The following DCC variants were observed in gnomAD, a reference collection of about 807,000 sequenced individuals.
DCC encodes DCC netrin 1 receptor, also known as netrin receptor DCC.
A neutral mutation model predicts 172.5 loss-of-function variants in DCC; 58 were observed. That is an observed-to-expected ratio of 0.34 (90% confidence interval 0.27 to 0.42). The LOEUF (loss-of-function observed/expected upper bound fraction) is 0.42. Among genes scored for constraint, DCC ranks in the 10% least tolerant of loss-of-function variants. The probability of loss-of-function intolerance (pLI) is 1.00; values close to 1 mark genes in which losing one functional copy is unlikely to be tolerated. For synonymous variants in DCC, 709 were observed against 644.5 expected (o/e 1.10, Z -1.52); for missense variants, 1,740 against 1,791.0 (o/e 0.97, Z 0.51).
rs1250871070 is a variant in DCC at position 53,339,729 on chromosome 18, T to C, written c.2181T>C (p.Asp727=). ...ENDLDESQVP[D]QPSSLHVRPQ... ...GAATGCTAGAATCTCAAGTTCCTGA[T>C]CAACCAAGCTCTCTTCATGTGAGGC... Residue 727 remains aspartate, a synonymous_variant, in exon 15 of 29, where the codon GAT becomes GAC. Coordinates refer to ENST00000442544, the MANE Select transcript of DCC (RefSeq NM_005215.4). The C allele has an allele frequency of 6.2e-7, 1 of 1,613,832 alleles. No individual in the cohort carries two copies. Among genetic ancestry groups the C allele is most frequent in the East Asian group, 2.2e-5 (1 of 44,872 alleles).
chr18:53,031,855 A>T (rs1258291091), intron 5 of DCC, among the ~76,000 whole-genome samples: 2 of 151,804 alleles, frequency 1.3e-5, no homozygotes, highest in South Asian at 4.2e-4. Context: ...TAGATGTGGG[A>T]GTGTGTATGT....
chr18:53,514,865 G>C (rs1212594223), intron 27 of DCC, among the ~76,000 whole-genome samples: 1 of 151,818 alleles, frequency 6.6e-6, no homozygotes, highest in Non-Finnish European at 1.5e-5. Context: ...AATTCTACCA[G>C]AGGTACAAGG....
At chr18:52,880,915 TA>T (rs1251029261) in intron 2 of DCC, among the ~76,000 whole-genome samples, 3 of 152,198 alleles carry the variant, frequency 2.0e-5, no homozygotes, top group Non-Finnish European at 4.4e-5. Flanking sequence ...GTTCTATTTT[TA>T]GTTTTTTGAG....
intron 1 of DCC, among the ~76,000 whole-genome samples, chr18:52,711,808 CTT>C (rs1253953049): frequency 6.6e-6 from 1 of 152,126 alleles, no homozygotes; most frequent in South Asian, 2.1e-4. Flanking sequence ...CACCTGCTGA[CTT>C]TTTTTTGATA....
chr18:52,524,542 A>G (rs1401999271), intron 1 of DCC, among the ~76,000 whole-genome samples: 1 of 152,254 alleles, frequency 6.6e-6, no homozygotes, highest in African/African-American at 2.4e-5. Flanking sequence ...AGCAGCAAGT[A>G]TTTGATCAAT....
At chr18:52,717,515 T>G (rs994552011) in intron 1 of DCC, among the ~76,000 whole-genome samples, 7 of 150,852 alleles carry the variant, frequency 4.6e-5, no homozygotes, top group African/African-American at 1.7e-4. Flanking sequence ...GCCACAATGC[T>G]TCTCACTGTG....
chr18:53,038,672 T>G (rs570817355), intron 5 of DCC, among the ~76,000 whole-genome samples: 1 of 71,294 alleles, frequency 1.4e-5, no homozygotes, highest in African/African-American at 4.2e-5. Context: ...GACCACTAAG[T>G]GTTTATAAAT....
intron 21 of DCC, among the ~76,000 whole-genome samples, chr18:53,420,703 T>G (rs185343301): frequency 6.6e-6 from 1 of 152,292 alleles, no homozygotes; most frequent in Non-Finnish European, 1.5e-5. Context: ...TCATTTAACC[T>G]TATGATTTAA....
intron 1 of DCC, among the ~76,000 whole-genome samples, chr18:52,561,500 G>T (rs2033038003): frequency 6.6e-6 from 1 of 151,754 alleles, no homozygotes; most frequent in African/African-American, 2.4e-5. Context: ...GGCAGTTTTG[G>T]AATTGATCTC....
In DCC at chr18:53,180,511, G is replaced by A. The variant is rs73461523; in HGVS notation, c.1573+1395G>A. ...GATTATGGGATGGCTACAGCAGAAC[G>A]TGAGTCCTTGCACAACTTCACCCTT... On this transcript the variant is annotated intron_variant, in intron 9 of 28. Coordinates refer to ENST00000442544, the MANE Select transcript of DCC (RefSeq NM_005215.4). 1.8e-3 allele frequency among the ~76,000 whole-genome samples: 270 copies of A among 151,948 alleles called. 2 individuals are homozygous for A. Among genetic ancestry groups the A allele is most frequent in the African/African-American group, 6.4e-3 (264 of 41,532 alleles).
chr18:52,583,225 A>G (rs976526162), intron 1 of DCC, among the ~76,000 whole-genome samples: 2 of 152,182 alleles, frequency 1.3e-5, no homozygotes, highest in African/African-American at 4.8e-5. Context: ...CTAGCGTAAG[A>G]TAGGTACTCT....
At chr18:52,373,416 A>G (rs1280174563) in intron 1 of DCC, among the ~76,000 whole-genome samples, 1 of 152,210 alleles carries the variant, frequency 6.6e-6, no homozygotes, top group Non-Finnish European at 1.5e-5. Context: ...CTTATTAAAC[A>G]TAGTAGTGAG....
chr18:52,613,412 C>T (rs574656297), intron 1 of DCC, among the ~76,000 whole-genome samples: 13 of 152,078 alleles, frequency 8.5e-5, no homozygotes, highest in South Asian at 4.2e-4. Flanking sequence ...CCCGCCACCA[C>T]GCCCGGCTAA....
At chr18:52,645,789 C>CTTACCTAAA (rs2035007292) in intron 1 of DCC, among the ~76,000 whole-genome samples, 2 of 152,184 alleles carry the variant, frequency 1.3e-5, no homozygotes, top group Admixed American at 6.5e-5. Flanking sequence ...ACAAGGAAAA[C>CTTACCTAAA]TTACCTAAAT....
chr18:53,328,252 CT>C (rs2057490830), intron 14 of DCC, among the ~76,000 whole-genome samples: 1 of 152,070 alleles, frequency 6.6e-6, no homozygotes, highest in South Asian at 2.1e-4. Flanking sequence ...AGTTGCTTGA[CT>C]TTTTTCTAAG....
chr18:53,020,400 A>G (rs2041863558), intron 5 of DCC, among the ~76,000 whole-genome samples: 1 of 152,194 alleles, frequency 6.6e-6, no homozygotes, highest in African/African-American at 2.4e-5. Flanking sequence ...AATATTTATA[A>G]TAGAATTCCT....
intron 1 of DCC, among the ~76,000 whole-genome samples, chr18:52,505,893 G>A (rs1168875742): frequency 1.3e-5 from 2 of 152,078 alleles, no homozygotes; most frequent in African/African-American, 4.8e-5. Context: ...TGAAATACTT[G>A]TTAGTGCATA....
intron 7 of DCC, among the ~76,000 whole-genome samples, chr18:53,116,375 A>T (rs8094882): frequency 0.16 from 23,764 of 151,720 alleles, 2,328 homozygotes; most frequent in African/African-American, 0.27. Flanking sequence ...AGGAAGAAGT[A>T]AAGTGACAAA....
intron 1 of DCC, among the ~76,000 whole-genome samples, chr18:52,613,790 G>A (rs2034321533): frequency 6.6e-6 from 1 of 152,130 alleles, no homozygotes; most frequent in Non-Finnish European, 1.5e-5. Context: ...CCAGGTGGAG[G>A]AAATTCTGGG....
Sources: allele counts gnomAD v4.1 joint callset (sites outside exome capture counted in the v4.1 genomes callset), GRCh38; gene constraint gnomAD v4.1.1; transcripts MANE v1.5; gene names NCBI Gene and HGNC (gene_info 2026-07-23, HGNC 2026-07-21).